MGAT4C: variants seen among roughly 807,000 people sequenced by gnomAD.
The protein encoded by MGAT4C is alpha-1,3-mannosyl-glycoprotein 4-beta-N-acetylglucosaminyltransferase C.
Under a neutral mutation model 40.1 loss-of-function variants are expected in MGAT4C, and 19 were observed. The observed-to-expected ratio is 0.47, with a 90% CI of 0.33 to 0.70. MGAT4C has a LOEUF of 0.70. MGAT4C is among the 30% of genes least tolerant of loss of function. The pLI is 0.02. For missense variants in MGAT4C, 491 were observed against 563.2 expected, an observed-to-expected ratio of 0.87 and a Z score of 1.30; for synonymous variants, 181 against 187.1, an observed-to-expected ratio of 0.97 and a Z score of 0.27.
At chr12:86,651,547 T>G (rs183145267) in intron 2 of MGAT4C, among the ~76,000 whole-genome samples, 48 of 152,010 alleles carry the variant, frequency 3.2e-4, no homozygotes, top group East Asian at 2.3e-3. Flanking sequence ...GTTTGCTTAT[T>G]AATTACAAGT....
rs968775690 is a variant in MGAT4C, at chr12:86,775,217, A to C, written c.-261-47976T>G. On this transcript the variant is annotated intron_variant, in intron 1 of 7. Transcript: ENST00000548651. ...GGTGAGTCACTTCTCTGTGTCTTTA[A>C]CTTGGACATGTTTACAAAGTATTTA... Among the ~76,000 whole-genome samples the C allele has an allele frequency of 3.4e-4, 51 of 152,050 alleles. 1 individual carries two copies. Among genetic ancestry groups the C allele is most frequent in the Admixed American group, 6.6e-5 (1 of 15,258 alleles).
intron 1 of MGAT4C, among the ~76,000 whole-genome samples, chr12:86,079,259 G>A (rs1870375384): frequency 6.6e-6 from 1 of 152,060 alleles, no homozygotes; most frequent in African/African-American, 2.4e-5. Flanking sequence ...AGAATAGAGG[G>A]ATTTACTCAA....
At chr12:86,738,654 C>G (rs1951020451) in intron 1 of MGAT4C, among the ~76,000 whole-genome samples, 1 of 151,252 alleles carries the variant, frequency 6.6e-6, no homozygotes, top group African/African-American at 2.4e-5. Flanking sequence ...TTTATTACTG[C>G]TTTTGGAAGT....
At chr12:86,812,206 T>G in intron 1 of MGAT4C, among the ~76,000 whole-genome samples, 1 of 152,224 alleles carries the variant, frequency 6.6e-6, no homozygotes, top group Middle Eastern at 3.4e-3. Context: ...TGAGATTTAT[T>G]TTATGAATTA....
chr12:86,047,127 T>A (rs950949534), intron 2 of MGAT4C, among the ~76,000 whole-genome samples: 6 of 152,168 alleles, frequency 3.9e-5, no homozygotes. Context: ...AAACTGATAT[T>A]CTGAAAGCAA....
intron 1 of MGAT4C, among the ~76,000 whole-genome samples, chr12:86,165,957 T>C (rs1886150178): frequency 6.6e-6 from 1 of 152,170 alleles, no homozygotes. Flanking sequence ...TTGTAGATTA[T>C]TGCATATGTA....
intron 1 of MGAT4C, among the ~76,000 whole-genome samples, chr12:86,792,397 C>G (rs563256014): frequency 6.6e-6 from 1 of 152,056 alleles, no homozygotes; most frequent in Non-Finnish European, 1.5e-5. Context: ...GCCAATACAC[C>G]TTAGCCTTTA....
At chr12:86,128,274 C>G (rs1020550221) in intron 1 of MGAT4C, among the ~76,000 whole-genome samples, 2 of 152,114 alleles carry the variant, frequency 1.3e-5, no homozygotes, top group Non-Finnish European at 2.9e-5. Flanking sequence ...GTGTCCCCAC[C>G]CAAACCTCAC....
rs147998015 is a variant in MGAT4C at position 85,980,082 on chromosome 12, T to C, written c.644A>G (p.Asn215Ser). ...DYAFLLNFCA[N>S]TSDYYVMLED... ...AAGCATTACATAATAGTCTGAAGTATTGGCACAAAAATTAAGCAGAAAAGC... is the reference window on the plus strand; with the variant it reads ...AAGCATTACATAATAGTCTGAAGTACTGGCACAAAAATTAAGCAGAAAAGC... Residue 215 changes from asparagine (N) to serine (S), a missense_variant, in exon 5 of 5, where the codon AAT becomes AGT. Transcript: ENST00000611864. The C allele has an allele frequency of 6.8e-6, 11 of 1,613,826 alleles. No individual in the cohort carries two copies. Among genetic ancestry groups the C allele is most frequent in the South Asian group, 1.1e-5 (1 of 91,076 alleles).
chr12:86,379,696 T>G (rs544847457), intron 3 of MGAT4C, among the ~76,000 whole-genome samples: 1 of 152,272 alleles, frequency 6.6e-6, no homozygotes, highest in African/African-American at 2.4e-5. Flanking sequence ...AGAAAAAGTT[T>G]AATATAGATA....
chr12:86,077,918 A>C (rs1870082010), intron 1 of MGAT4C, among the ~76,000 whole-genome samples: 1 of 152,180 alleles, frequency 6.6e-6, no homozygotes, highest in Admixed American at 6.5e-5. Context: ...TAAATGCAGA[A>C]GGAGCCCAAA....
At chr12:86,297,416 G>T (rs957229133) in intron 4 of MGAT4C, among the ~76,000 whole-genome samples, 2 of 151,942 alleles carry the variant, frequency 1.3e-5, no homozygotes, top group Admixed American at 1.3e-4. Flanking sequence ...GTTACTAAAA[G>T]AAAAAATACA....
intron 4 of MGAT4C, among the ~76,000 whole-genome samples, chr12:86,275,167 CA>C (rs778947175): frequency 2.2e-4 from 33 of 152,226 alleles, no homozygotes; most frequent in Non-Finnish European, 3.4e-4. Context: ...AATTAAACGA[CA>C]ACTAATATGA....
intron 1 of MGAT4C, among the ~76,000 whole-genome samples, chr12:86,098,372 T>G (rs1874327269): frequency 6.6e-6 from 1 of 151,672 alleles, no homozygotes; most frequent in Non-Finnish European, 1.5e-5. Context: ...GGCCACATAC[T>G]ATGAGAAAAG....
chr12:86,010,995 C>T (rs1194026630), intron 2 of MGAT4C, among the ~76,000 whole-genome samples: 1 of 152,150 alleles, frequency 6.6e-6, no homozygotes, highest in Non-Finnish European at 1.5e-5. Flanking sequence ...CCAGATGCTG[C>T]TACCTGATAT....
chr12:86,602,885 T>C (rs1241478801), intron 2 of MGAT4C, among the ~76,000 whole-genome samples: 1 of 29,730 alleles, frequency 3.4e-5, no homozygotes, highest in Admixed American at 2.8e-4. Context: ...CCCATCTGCG[T>C]GTGTGTGTGT....
intron 3 of MGAT4C, among the ~76,000 whole-genome samples, chr12:86,337,254 G>A (rs1263728026): frequency 1.3e-5 from 2 of 152,054 alleles, no homozygotes; most frequent in Non-Finnish European, 2.9e-5. Flanking sequence ...TTTTAAAATG[G>A]AAATATATTA....
At chr12:86,109,807 G>GA (rs749996165) in intron 1 of MGAT4C, among the ~76,000 whole-genome samples, 19 of 151,858 alleles carry the variant, frequency 1.3e-4, no homozygotes, top group Non-Finnish European at 1.9e-4. Flanking sequence ...ACTTGTGGTG[G>GA]ATGCATATGT....
chr12:86,546,862 C>A (rs11103985), intron 2 of MGAT4C, among the ~76,000 whole-genome samples: 1 of 151,804 alleles, frequency 6.6e-6, no homozygotes, highest in African/African-American at 2.4e-5. Flanking sequence ...CGCCTAAAAG[C>A]GTCATGGTAA....
Sources: allele counts gnomAD v4.1 joint callset (sites outside exome capture counted in the v4.1 genomes callset), GRCh38; gene constraint gnomAD v4.1.1; transcripts MANE v1.5; gene names NCBI Gene and HGNC (gene_info 2026-07-23, HGNC 2026-07-21).